The following CADM2 variants were observed in gnomAD, a reference collection of about 807,000 sequenced individuals.
CADM2 encodes the protein immunoglobulin superfamily member 4D.
CADM2 carries 12 observed loss-of-function variants against 49.8 expected under a neutral mutation model. The ratio of observed to expected loss-of-function variants is 0.24; its 90% CI spans 0.15 to 0.39. The LOEUF (loss-of-function observed/expected upper bound fraction) is 0.39, where lower values mean the gene tolerates loss of function less well. Ranked by LOEUF, CADM2 falls within the 10% of genes least tolerant of loss-of-function variation. The pLI, the probability that CADM2 is intolerant of heterozygous loss-of-function variation, is 1.00. For missense variants in CADM2, 378 were observed against 492.3 expected, an observed-to-expected ratio of 0.77 and a Z score of 2.20; for synonymous variants, 214 against 175.4, an observed-to-expected ratio of 1.22 and a Z score of -1.74.
At position 86,065,596 on chromosome 3, in the gene CADM2, C is replaced by A. The variant is rs1159879363; in HGVS notation, c.971-9C>A. The A allele has an allele frequency of 6.2e-7, 1 of 1,607,968 alleles. No homozygotes were observed. Among genetic ancestry groups the A allele is most frequent in the Non-Finnish European group, 8.5e-7 (1 of 1,178,020 alleles). ...ATTAAATAGAACAATATTTTCCTGT[C>A]TTTTCCAGATCCTAATGCTTTGGCT... is the stretch of plus-strand genomic sequence containing the variant. On this transcript the variant is annotated splice_polypyrimidine_tract_variant and intron_variant, in intron 8 of 9. Coordinates refer to ENST00000383699, the MANE Select transcript of CADM2 (RefSeq NM_001167675.2).
At chr3:85,378,662 G>A (rs1392557758) in intron 1 of CADM2, among the ~76,000 whole-genome samples, 1 of 151,946 alleles carries the variant, frequency 6.6e-6, no homozygotes, top group Non-Finnish European at 1.5e-5. Context: ...CTGAGTATGA[G>A]AGGGAAGTTC....
At chr3:85,775,630 T>C (rs1015845438) in intron 2 of CADM2, among the ~76,000 whole-genome samples, 7 of 151,882 alleles carry the variant, frequency 4.6e-5, no homozygotes, top group African/African-American at 1.7e-4. Flanking sequence ...GGAATTTTGC[T>C]TCCTCCAAAT....
intron 3 of CADM2, among the ~76,000 whole-genome samples, chr3:85,881,171 T>A (rs921679881): frequency 5.3e-5 from 8 of 152,158 alleles, no homozygotes; most frequent in African/African-American, 1.9e-4. Flanking sequence ...TCCTCTGTCA[T>A]TTTCATTGTA....
Position 85,883,427 on chromosome 3 carries a change from A to G in CADM2, c.375A>G (p.Ala125=). The G allele has an allele frequency of 6.2e-7, 1 of 1,613,728 alleles. No individual in the cohort carries two copies. Among genetic ancestry groups the G allele is most frequent in the South Asian group, 1.1e-5 (1 of 91,054 alleles). ...LFTMPVKTSK[A]YLTVLGVPEK... is the part of the protein sequence containing the mutation. ...CAATGCCTGTCAAAACTTCCAAGGC[A>G]TATCTCACCGTTCTGGGTAAGTGCA... The change falls in exon 4 of 10, where the codon GCA becomes GCG. Residue 125 remains alanine, a synonymous_variant. Transcript: ENST00000383699.
At chr3:85,521,284 T>C (rs970070860) in intron 1 of CADM2, among the ~76,000 whole-genome samples, 2 of 152,158 alleles carry the variant, frequency 1.3e-5, no homozygotes, top group Admixed American at 1.3e-4. Context: ...TTTAGGCAAA[T>C]CCATTATATA....
chr3:86,018,619 G>T (rs1425200237), intron 8 of CADM2, among the ~76,000 whole-genome samples: 1 of 152,172 alleles, frequency 6.6e-6, no homozygotes, highest in African/African-American at 2.4e-5. Flanking sequence ...TGCATTTCTT[G>T]ATGGCCAGTG....
At chr3:85,022,128 G>A (rs929256959) in intron 1 of CADM2, among the ~76,000 whole-genome samples, 1 of 152,128 alleles carries the variant, frequency 6.6e-6, no homozygotes, top group African/African-American at 2.4e-5. Context: ...AAAGAAGAGG[G>A]GACAGGCTGA....
intron 1 of CADM2, among the ~76,000 whole-genome samples, chr3:85,642,449 C>T (rs2064753031): frequency 6.6e-6 from 1 of 151,718 alleles, no homozygotes; most frequent in African/African-American, 2.4e-5. Context: ...ATATTAACCT[C>T]ATAGCAAGGA....
At chr3:85,857,393 A>G (rs1020258894) in intron 3 of CADM2, among the ~76,000 whole-genome samples, 1 of 152,162 alleles carries the variant, frequency 6.6e-6, no homozygotes, top group Non-Finnish European at 1.5e-5. Context: ...TACCTAGGGA[A>G]TCTTGGGTTT....
chr3:85,941,955 G>T (rs1447127380), intron 7 of CADM2, among the ~76,000 whole-genome samples: 1 of 152,048 alleles, frequency 6.6e-6, no homozygotes, highest in Non-Finnish European at 1.5e-5. Context: ...TACAAAGACT[G>T]CTGTAATCGT....
chr3:85,160,677 C>T (rs755081986), intron 1 of CADM2, among the ~76,000 whole-genome samples: 3 of 152,018 alleles, frequency 2.0e-5, no homozygotes, highest in Non-Finnish European at 4.4e-5. Context: ...GTTAAAAATA[C>T]TCAGTTGTTA....
chr3:85,013,415 T>G (rs947586590), intron 1 of CADM2, among the ~76,000 whole-genome samples: 1 of 151,952 alleles, frequency 6.6e-6, no homozygotes, highest in Non-Finnish European at 1.5e-5. Flanking sequence ...CTTAAAACAT[T>G]TTATTTTAAA....
At chr3:85,105,229 G>T (rs1484183776) in intron 1 of CADM2, among the ~76,000 whole-genome samples, 3 of 151,954 alleles carry the variant, frequency 2.0e-5, no homozygotes, top group African/African-American at 7.2e-5. Flanking sequence ...AATCTACAAT[G>T]AACTCAAACA....
At chr3:85,477,881 T>C (rs1336958602) in intron 1 of CADM2, among the ~76,000 whole-genome samples, 1 of 151,920 alleles carries the variant, frequency 6.6e-6, no homozygotes, top group Non-Finnish European at 1.5e-5. Context: ...CAGTGGAGGT[T>C]TTCAGTAAAG....
chr3:85,936,375 C>T (rs1721191009), intron 7 of CADM2, among the ~76,000 whole-genome samples: 1 of 151,672 alleles, frequency 6.6e-6, no homozygotes, highest in Non-Finnish European at 1.5e-5. Flanking sequence ...AATATATGCA[C>T]GTCAATGTGA....
At chr3:85,536,847 C>T (rs1048271978) in intron 1 of CADM2, among the ~76,000 whole-genome samples, 1 of 151,758 alleles carries the variant, frequency 6.6e-6, no homozygotes, top group Non-Finnish European at 1.5e-5. Context: ...AATAGCTTTG[C>T]TCCCTGTGGT....
chr3:85,621,223 T>A (rs1328976374), intron 1 of CADM2, among the ~76,000 whole-genome samples: 1 of 152,110 alleles, frequency 6.6e-6, no homozygotes, highest in East Asian at 1.9e-4. Flanking sequence ...TGTCTTAACA[T>A]TAGGTATTAA....
At chr3:85,391,986 G>A (rs1051398861) in intron 1 of CADM2, among the ~76,000 whole-genome samples, 1 of 152,074 alleles carries the variant, frequency 6.6e-6, no homozygotes, top group Non-Finnish European at 1.5e-5. Flanking sequence ...CAGAAAAGCT[G>A]TTACAAGCTT....
chr3:85,519,734 T>G (rs1047409877), intron 1 of CADM2, among the ~76,000 whole-genome samples: 10 of 152,020 alleles, frequency 6.6e-5, no homozygotes, highest in African/African-American at 9.7e-5. Flanking sequence ...TGACATTGAG[T>G]TAATTATAGA....
Sources: gnomAD v4.1 joint callset for allele counts (sites outside exome capture counted in the v4.1 genomes callset) on GRCh38, gnomAD v4.1.1 for gene constraint, MANE v1.5 for transcripts, NCBI Gene and HGNC (gene_info 2026-07-23, HGNC 2026-07-21) for gene names.